The following GPR158 variants were observed in gnomAD, a reference collection of about 807,000 sequenced individuals.
GPR158 encodes the protein G protein-coupled receptor 158.
GPR158 carries 30 observed loss-of-function variants against 78.2 expected under a neutral mutation model. The observed-to-expected ratio is 0.38, with a 90% CI of 0.29 to 0.52. The LOEUF (loss-of-function observed/expected upper bound fraction) is 0.52. Ranked by LOEUF, GPR158 falls within the 20% of genes least tolerant of loss-of-function variation. The pLI is 0.83. For missense variants in GPR158, 1,463 were observed against 1,523.5 expected (o/e 0.96, Z 0.66); for synonymous variants, 581 against 591.1 (o/e 0.98, Z 0.25).
At chr10:25,281,007 C>A (rs140222842) in intron 2 of GPR158, among the ~76,000 whole-genome samples, 1 of 151,534 alleles carries the variant, frequency 6.6e-6, no homozygotes, top group Non-Finnish European at 1.5e-5. Flanking sequence ...TGGTGGTATG[C>A]GCCTGTAATC....
chr10:25,352,302 C>T (rs755860363), intron 2 of GPR158, among the ~76,000 whole-genome samples: 33 of 152,008 alleles, frequency 2.2e-4, no homozygotes, highest in African/African-American at 6.8e-4. Context: ...GCAAGCTCAG[C>T]AATTACTACT....
intron 2 of GPR158, among the ~76,000 whole-genome samples, chr10:25,373,092 A>C (rs1027234787): frequency 6.6e-6 from 1 of 151,980 alleles, no homozygotes; most frequent in African/African-American, 2.4e-5. Context: ...AATGTGGTGC[A>C]TATGTGCTGT....
At chr10:25,309,573 A>G (rs1011770602) in intron 2 of GPR158, among the ~76,000 whole-genome samples, 3 of 151,820 alleles carry the variant, frequency 2.0e-5, no homozygotes, top group African/African-American at 4.8e-5. Context: ...TATTTTTTCT[A>G]TTGTTACCTT....
intron 2 of GPR158, among the ~76,000 whole-genome samples, chr10:25,309,722 A>T (rs72794295): frequency 0.03 from 4,625 of 152,154 alleles, 95 homozygotes; most frequent in Non-Finnish European, 0.046. Context: ...TGTGCTTCTC[A>T]GGATAGTGAA....
chr10:25,578,268 G>GACTT (rs370627828), intron 7 of GPR158, among the ~76,000 whole-genome samples: 23 of 152,284 alleles, frequency 1.5e-4, no homozygotes, highest in African/African-American at 5.5e-4. Context: ...ACGTTGTTCA[G>GACTT]ACTTATCCCT....
At chr10:25,259,892 G>A (rs1418674234) in intron 2 of GPR158, among the ~76,000 whole-genome samples, 2 of 151,892 alleles carry the variant, frequency 1.3e-5, no homozygotes, top group East Asian at 1.9e-4. Flanking sequence ...TTTTGCTGAT[G>A]TGTATAATTT....
intron 1 of GPR158, among the ~76,000 whole-genome samples, chr10:25,216,933 G>A (rs1454619832): frequency 6.6e-6 from 1 of 152,156 alleles, no homozygotes; most frequent in Non-Finnish European, 1.5e-5. Flanking sequence ...GGAGGGCCCT[G>A]ATTATGTCAT....
chr10:25,306,124 C>A (rs981083033), intron 2 of GPR158, among the ~76,000 whole-genome samples: 2 of 152,108 alleles, frequency 1.3e-5, no homozygotes, highest in Non-Finnish European at 1.5e-5. Context: ...TTTTTCTCTT[C>A]TCTTGCTAAT....
intron 5 of GPR158, among the ~76,000 whole-genome samples, chr10:25,478,446 A>T (rs1040620194): frequency 1.6e-4 from 24 of 152,102 alleles, no homozygotes; most frequent in Non-Finnish European, 2.8e-4. Context: ...TATATGAGAC[A>T]GATGTGTAGA....
intron 6 of GPR158, among the ~76,000 whole-genome samples, chr10:25,570,556 TAA>T (rs1836991753): frequency 6.6e-6 from 1 of 152,242 alleles, no homozygotes; most frequent in African/African-American, 2.4e-5. Context: ...TCACTTCCAC[TAA>T]GTTAGCTTTT....
At chr10:25,420,905 T>C (rs10741084) in intron 4 of GPR158, among the ~76,000 whole-genome samples, 106,346 of 152,062 alleles carry the variant, frequency 0.7, 38,206 homozygotes, top group Non-Finnish European at 0.8. Flanking sequence ...GAGTGAGGCC[T>C]CCAACTTTAT....
At chr10:25,294,543 A>G (rs1222393934) in intron 2 of GPR158, among the ~76,000 whole-genome samples, 1 of 152,100 alleles carries the variant, frequency 6.6e-6, no homozygotes, top group Non-Finnish European at 1.5e-5. Flanking sequence ...CTACCTGACT[A>G]TCACTGCTTT....
chr10:25,576,062 T>C (rs986326078), intron 7 of GPR158, among the ~76,000 whole-genome samples: 7 of 152,232 alleles, frequency 4.6e-5, no homozygotes, highest in African/African-American at 1.2e-4. Context: ...TTGTTGTTTT[T>C]TTTTTCCAGT....
At chr10:25,553,074 TA>T (rs1193471981) in intron 6 of GPR158, among the ~76,000 whole-genome samples, 2 of 152,178 alleles carry the variant, frequency 1.3e-5, no homozygotes, top group African/African-American at 2.4e-5. Context: ...TCATTGCATT[TA>T]TTTTTTTAGT....
chr10:25,513,811 A>G (rs1836121492), intron 5 of GPR158, among the ~76,000 whole-genome samples: 1 of 152,052 alleles, frequency 6.6e-6, no homozygotes, highest in African/African-American at 2.4e-5. Flanking sequence ...TTTAATTTCT[A>G]TGTATTTGCA....
chr10:25,276,137 G>A (rs893867124), intron 2 of GPR158, among the ~76,000 whole-genome samples: 1 of 152,132 alleles, frequency 6.6e-6, no homozygotes, highest in Admixed American at 6.5e-5. Flanking sequence ...GCGGCTTGAG[G>A]TTGAATTTGG....
chr10:25,425,144 G>A (rs1053991358), intron 4 of GPR158, among the ~76,000 whole-genome samples: 1 of 151,912 alleles, frequency 6.6e-6, no homozygotes, highest in Admixed American at 6.6e-5. Context: ...CTCTTCAATT[G>A]TGAATGGGAG....
chr10:25,290,394 CAT>C (rs1854418101), intron 2 of GPR158, among the ~76,000 whole-genome samples: 1 of 152,076 alleles, frequency 6.6e-6, no homozygotes, highest in African/African-American at 2.4e-5. Context: ...CTGTTAATGA[CAT>C]ATGTAATATA....
intron 2 of GPR158, among the ~76,000 whole-genome samples, chr10:25,395,135 G>A (rs1228099653): frequency 6.6e-6 from 1 of 152,094 alleles, no homozygotes; most frequent in Non-Finnish European, 1.5e-5. Context: ...AGTAGGTTAA[G>A]CTAAATTTTA....
Sources: gnomAD v4.1 joint callset for allele counts (sites outside exome capture counted in the v4.1 genomes callset) on GRCh38, gnomAD v4.1.1 for gene constraint, MANE v1.5 for transcripts, NCBI Gene and HGNC (gene_info 2026-07-23, HGNC 2026-07-21) for gene names.